Variants in JAKMIP2 observed in about 807,000 individuals in gnomAD.
JAKMIP2 encodes janus kinase and microtubule interacting protein 2.
Under a neutral mutation model 115.0 loss-of-function variants are expected in JAKMIP2, and 25 were observed. That is an observed-to-expected ratio of 0.22 (90% CI 0.16 to 0.30). JAKMIP2 has a LOEUF of 0.30. Among genes scored for constraint, JAKMIP2 ranks in the 10% least tolerant of loss-of-function variants. The probability of loss-of-function intolerance (pLI) is 1.00; values close to 1 mark genes in which losing one functional copy is unlikely to be tolerated. For synonymous variants in JAKMIP2, 334 were observed against 343.6 expected, an observed-to-expected ratio of 0.97 and a Z score of 0.31; for missense variants, 642 against 957.6, an observed-to-expected ratio of 0.67 and a Z score of 4.35.
In JAKMIP2 at chr5:147,656,376, T is replaced by G. The variant is rs566697229; in HGVS notation, c.627+4572A>C. Among the ~76,000 whole-genome samples the G allele has an allele frequency of 4.6e-5, 7 of 152,346 alleles. No individual in the cohort carries two copies. In the South Asian group the frequency reaches 1.4e-3, roughly 32 times the overall value. ...TTTATGAATCTGGGTGCTCCTATATTGGGTGCATATATTTTTAGGTTAGTT... is the reference window on the plus strand; with the variant it reads ...TTTATGAATCTGGGTGCTCCTATATGGGGTGCATATATTTTTAGGTTAGTT... On this transcript the variant is annotated intron_variant, in intron 3 of 21. Transcript: ENST00000616793.
chr5:147,653,679 G>A (rs4370261), intron 3 of JAKMIP2, among the ~76,000 whole-genome samples: 9 of 151,930 alleles, frequency 5.9e-5, no homozygotes, highest in Non-Finnish European at 7.4e-5. Flanking sequence ...ACTCTGATGC[G>A]AGTTTCTTTT....
chr5:147,730,458 T>G (rs1488071028), intron 1 of JAKMIP2, among the ~76,000 whole-genome samples: 11 of 151,870 alleles, frequency 7.2e-5, no homozygotes, highest in African/African-American at 1.2e-4. Context: ...ATTTTTTTTT[T>G]TTGTTATTGT....
At chr5:147,670,388 A>T (rs1759518387) in intron 2 of JAKMIP2, among the ~76,000 whole-genome samples, 1 of 152,204 alleles carries the variant, frequency 6.6e-6, no homozygotes, top group Non-Finnish European at 1.5e-5. Context: ...ATAATTATCT[A>T]AATAAGGCAA....
intron 1 of JAKMIP2, among the ~76,000 whole-genome samples, chr5:147,682,496 T>C (rs987415005): frequency 6.6e-6 from 1 of 152,188 alleles, no homozygotes; most frequent in Non-Finnish European, 1.5e-5. Context: ...TAATCCAGTA[T>C]ATATACAGAA....
At chr5:147,668,370 T>C (rs1040701474) in intron 2 of JAKMIP2, among the ~76,000 whole-genome samples, 9 of 152,152 alleles carry the variant, frequency 5.9e-5, no homozygotes, top group Non-Finnish European at 7.4e-5. Context: ...ATGGTGTCCA[T>C]AGAAGAGACA....
At chr5:147,683,959 C>T (rs1760443222) in intron 1 of JAKMIP2, among the ~76,000 whole-genome samples, 1 of 152,102 alleles carries the variant, frequency 6.6e-6, no homozygotes, top group African/African-American at 2.4e-5. Context: ...AGTATTTTCC[C>T]TATGTTATAC....
At chr5:147,736,759 A>G (rs1393417012) in intron 1 of JAKMIP2, among the ~76,000 whole-genome samples, 3 of 152,180 alleles carry the variant, frequency 2.0e-5, no homozygotes, top group Admixed American at 6.5e-5. Context: ...GAAGATATTC[A>G]GGTAACTTAT....
chr5:147,672,336 G>A (rs1759652342), intron 1 of JAKMIP2, among the ~76,000 whole-genome samples: 1 of 152,186 alleles, frequency 6.6e-6, no homozygotes, highest in Non-Finnish European at 1.5e-5. Flanking sequence ...AAAAGGCAGA[G>A]AGACCCAACT....
At chr5:147,781,943 A>C (rs183253337) in intron 1 of JAKMIP2, among the ~76,000 whole-genome samples, 82 of 152,342 alleles carry the variant, frequency 5.4e-4, no homozygotes, top group African/African-American at 1.9e-3. Context: ...ATGATTTCTC[A>C]ACAAGAGTAT....
chr5:147,607,080 C>A (rs1445854797), intron 20 of JAKMIP2, among the ~76,000 whole-genome samples: 6 of 152,254 alleles, frequency 3.9e-5, no homozygotes, highest in East Asian at 3.9e-4. Context: ...TGGGCTGAGA[C>A]AATGGGGTTT....
intron 1 of JAKMIP2, among the ~76,000 whole-genome samples, chr5:147,779,317 C>T (rs1755674165): frequency 6.6e-6 from 1 of 151,978 alleles, no homozygotes; most frequent in South Asian, 2.1e-4. Context: ...CTTTAATATT[C>T]TAACATGAAT....
At chr5:147,617,346 T>C (rs188090016) in intron 19 of JAKMIP2, among the ~76,000 whole-genome samples, 4 of 152,252 alleles carry the variant, frequency 2.6e-5, no homozygotes, top group East Asian at 1.9e-4. Context: ...ATCTCCAAAA[T>C]TGAGATAATA....
At chr5:147,611,104 T>C (rs998323222) in intron 20 of JAKMIP2, among the ~76,000 whole-genome samples, 1 of 151,966 alleles carries the variant, frequency 6.6e-6, no homozygotes, top group Admixed American at 6.6e-5. Context: ...ACCCAGTGGG[T>C]CTTAGCTTGC....
chr5:147,594,459 C>A, intron 21 of JAKMIP2: 1 of 455,034 alleles, frequency 2.2e-6, no homozygotes, highest in South Asian at 1.6e-5. Context: ...TTCAGCCTCC[C>A]AAGTAGCTGG....
intron 6 of JAKMIP2, 62 bp downstream of exon 6, chr5:147,644,788 G>T (rs2126728377): frequency 1.4e-6 from 2 of 1,383,426 alleles, no homozygotes; most frequent in South Asian, 1.3e-5. Flanking sequence ...ATGGCAATAA[G>T]TCAGGTTATT....
At chr5:147,704,238 T>C (rs565224310) in intron 1 of JAKMIP2, among the ~76,000 whole-genome samples, 1 of 152,326 alleles carries the variant, frequency 6.6e-6, no homozygotes, top group Admixed American at 6.5e-5. Context: ...AAATATATAC[T>C]GTGCATCATT....
intron 3 of JAKMIP2, among the ~76,000 whole-genome samples, chr5:147,654,674 T>C (rs912364380): frequency 2.0e-5 from 3 of 152,180 alleles, no homozygotes; most frequent in African/African-American, 7.2e-5. Context: ...ATAATTTGAC[T>C]TCCTCTCTTC....
chr5:147,763,100 T>C (rs1379226846), intron 1 of JAKMIP2, among the ~76,000 whole-genome samples: 1 of 152,156 alleles, frequency 6.6e-6, no homozygotes, highest in East Asian at 1.9e-4. Context: ...AGCCTGAGAC[T>C]ACTCCAGTTC....
At chr5:147,630,730 G>A (rs1403944770) in intron 14 of JAKMIP2, among the ~76,000 whole-genome samples, 1 of 152,106 alleles carries the variant, frequency 6.6e-6, no homozygotes, top group Non-Finnish European at 1.5e-5. Context: ...AAGGTAAGGA[G>A]AGACCAGGAA....
Sources: gnomAD v4.1 joint callset for allele counts (sites outside exome capture counted in the v4.1 genomes callset) on GRCh38, gnomAD v4.1.1 for gene constraint, MANE v1.5 for transcripts, NCBI Gene and HGNC (gene_info 2026-07-23, HGNC 2026-07-21) for gene names.